Variants in ZBTB47 observed in about 807,000 individuals in gnomAD.
ZBTB47 encodes the protein zinc finger and BTB domain-containing protein 47.
In ZBTB47, 24 loss-of-function variants were observed where a neutral mutation model predicts 56.6. The observed-to-expected ratio is 0.42, with a 90% confidence interval of 0.31 to 0.60. The LOEUF is 0.60. Among genes scored for constraint, ZBTB47 ranks in the 20% least tolerant of loss-of-function variants. ZBTB47 has a pLI of 0.14. For missense variants in ZBTB47, 829 were observed against 1,032.6 expected (o/e 0.80, Z 2.70); for synonymous variants, 414 against 418.9 (o/e 0.99, Z 0.14).
Position 42,664,630 on chromosome 3 carries a change from C to T in ZBTB47, c.*32C>T, listed in dbSNP as rs923188749. 2 of 1,388,390 alleles carry T rather than the reference C, an allele frequency of 1.4e-6. No homozygotes were observed. The highest frequency in any genetic ancestry group is 1.8e-6 in the Non-Finnish European group (2 of 1,082,768). The allele number at this position is 1,388,390 out of a possible 1,614,324, so 86.0% of individuals were successfully genotyped here. A position where few individuals can be genotyped will look rare whatever the true frequency, so the allele number is the denominator to read the frequency against. ...AGCTGCACCCGTGCACCCGCTGGGG[C>T]CTGGAGTCAGGGCCCACTCCAGGAG... On this transcript the variant is annotated 3_prime_UTR_variant, in exon 6 of 6. Transcript: ENST00000232974.
chr3:42,666,501 A>G lies in ZBTB47; in HGVS notation c.*1903A>G, dbSNP rs1710791013. ...GTTGCTATTTTTAATCTCTAGTCCC[A>G]GTGCCTGGCAGCTCTTTGGAGCTGG... On this transcript the variant is annotated 3_prime_UTR_variant, in exon 6 of 6. Coordinates refer to ENST00000232974, the MANE Select transcript of ZBTB47 (RefSeq NM_145166.4). Among the ~76,000 whole-genome samples, 1 of 152,074 alleles carries G rather than the reference A, an allele frequency of 6.6e-6. No individual in the cohort carries two copies. The highest frequency in any genetic ancestry group is 2.1e-4 in the South Asian group (1 of 4,828).
Position 42,654,315 on chromosome 3 carries a change from C to T in ZBTB47, c.-82+432C>T, listed in dbSNP as rs1471978103. 2 of 120,518 alleles carry T rather than the reference C, an allele frequency of 1.7e-5. No homozygotes were observed. Among genetic ancestry groups the T allele is most frequent in the African/African-American group, 6.1e-5 (2 of 32,556 alleles). 7.5% of individuals were successfully genotyped at this position (120,518 alleles called of 1,614,324 possible). ...GACGGGCTGGGGGCTGGAGCTGGGG[C>T]TGGGGGTGGAGGGCAGCCTGCGGCA... On this transcript the variant is annotated intron_variant, in intron 1 of 5. Coordinates refer to ENST00000232974, the MANE Select transcript of ZBTB47 (RefSeq NM_145166.4). This position sits in a 1 kb window ranked among gnomAD's most constrained non-coding sequence, Gnocchi z 5.0.
intron 2 of ZBTB47, among the ~76,000 whole-genome samples, chr3:42,661,173 T>C (rs1238539977): frequency 1.3e-5 from 2 of 152,114 alleles, no homozygotes; most frequent in Non-Finnish European, 2.9e-5. Context: ...CTTACCTCTA[T>C]AGACAGACAA....
In ZBTB47 at chr3:42,666,977, T is replaced by A. The variant is rs928385342; in HGVS notation, c.*2379T>A. ...GCACTCTCTTCACTTGGGCCATTGT[T>A]GGTGGGGGCTCCTTTCCGGCCAGAC... On this transcript the variant is annotated 3_prime_UTR_variant, in exon 6 of 6. Coordinates refer to ENST00000232974, the MANE Select transcript of ZBTB47 (RefSeq NM_145166.4). Among the ~76,000 whole-genome samples the A allele has an allele frequency of 2.0e-5, 3 of 152,250 alleles. No individual in the cohort carries two copies. Among genetic ancestry groups the A allele is most frequent in the African/African-American group, 4.8e-5 (2 of 41,470 alleles).
chr3:42,658,916 C>T lies in ZBTB47; in HGVS notation c.561C>T (p.Pro187=). Residue 187 remains proline (P), a synonymous_variant, in exon 2 of 6, where the codon CCC becomes CCT. Coordinates refer to ENST00000232974, the MANE Select transcript of ZBTB47 (RefSeq NM_145166.4). Reference sequence around the variant, plus strand: ...CTGCCACCATTGGGCCAGCCCAGCCCTTCTTTAAGGAGGAGAAGGAGGGTG... The same window carrying T: ...CTGCCACCATTGGGCCAGCCCAGCCTTTCTTTAAGGAGGAGAAGGAGGGTG... The part of the protein sequence containing the change: ...TVPATIGPAQ[P]FFKEEKEGGV... 2 of 1,500,382 alleles carry T rather than the reference C, an allele frequency of 1.3e-6. No individual in the cohort carries two copies. Among genetic ancestry groups the T allele is most frequent in the Non-Finnish European group, 1.8e-6 (2 of 1,128,678 alleles). 92.9% of individuals were successfully genotyped at this position (1,500,382 alleles called of 1,614,324 possible).
At chr3:42,662,199 C>A (rs1449373764) in intron 3 of ZBTB47, among the ~76,000 whole-genome samples, 1 of 152,198 alleles carries the variant, frequency 6.6e-6, no homozygotes, top group Admixed American at 6.5e-5. Flanking sequence ...CCTGGCAGAG[C>A]CTCATGTCCC....
rs1710643248 is a variant in ZBTB47 at position 42,656,458 on chromosome 3, AG to A, written c.-81-1815del. 6.6e-6 allele frequency among the ~76,000 whole-genome samples: 1 copy of A among 152,096 alleles called. No individual in the cohort carries two copies. The stretch of plus-strand genomic sequence containing the variant: ...CAGAAGATGAATCAGAATGAGTCAG[AG>A]GAGGGAGATGGGAGGGGCTTGGTGC... On this transcript the variant is annotated intron_variant, in intron 1 of 5. Coordinates refer to ENST00000232974, the MANE Select transcript of ZBTB47 (RefSeq NM_145166.4). This position sits in a 1 kb window ranked among gnomAD's most constrained non-coding sequence, Gnocchi z 5.8.
Position 42,663,822 on chromosome 3 carries a change from A to G in ZBTB47, c.1763A>G (p.Lys588Arg). The change falls in exon 5 of 6, where the codon AAG (lysine) becomes AGG (arginine). Residue 588 changes from lysine to arginine, a missense_variant. Around this residue, in one of 6 missense-constraint regions of ZBTB47, gnomAD observed 187 missense variants for 253.1 expected, o/e 0.74. Coordinates refer to ENST00000232974, the MANE Select transcript of ZBTB47 (RefSeq NM_145166.4). This position sits in a 1 kb window ranked among gnomAD's most constrained non-coding sequence, Gnocchi z 5.1. ...AACTGCAATGAGCGCTTCCAGTACA[A>G]GTACCAGCTGCGGTCACACATGAGC... is the stretch of plus-strand genomic sequence containing the variant. ...CENCNERFQY[K>R]YQLRSHMSIH... 6.2e-7 allele frequency: 1 copy of G among 1,613,676 alleles called. No individual in the cohort carries two copies. The highest frequency in any genetic ancestry group is 8.5e-7 in the Non-Finnish European group (1 of 1,179,780).
At position 42,661,514 on chromosome 3, in the gene ZBTB47, G is replaced by A. The variant is rs1398199953; in HGVS notation, c.1503G>A (p.Lys501=). 6.2e-7 allele frequency: 1 copy of A among 1,613,906 alleles called. No homozygotes were observed. The highest frequency in any genetic ancestry group is 8.5e-7 in the Non-Finnish European group (1 of 1,179,894). Residue 501 remains lysine, a synonymous_variant, in exon 3 of 6, where the codon AAG becomes AAA. Transcript: ENST00000232974. ...TGACATGTGGCAAAGCTTTCAAGAA[G>A]CTTTGGTCCCTCCATGAGCATAACA... ...QCVTCGKAFK[K]LWSLHEHNKI...
rs1710688121 is a variant in ZBTB47, at chr3:42,659,562, AGGC to A, written c.1208_1210del (p.Arg403_Pro404delinsThr). ...AGAAGCTGGGCGGCGGGGTGGGAAG[AGGC>A]CAAAGCCACCCCCTGGAGTGGCCTC... On this transcript the variant is annotated inframe_deletion, in exon 2 of 6. Transcript: ENST00000232974. 9 of 1,586,484 alleles carry A rather than the reference AGGC, an allele frequency of 5.7e-6. No individual in the cohort carries two copies. The highest frequency in any genetic ancestry group is 7.7e-6 in the Non-Finnish European group (9 of 1,166,694).
Position 42,658,301 on chromosome 3 carries a change from C to A in ZBTB47, c.-55C>A. The A allele has an allele frequency of 6.7e-7, 1 of 1,485,144 alleles. No individual in the cohort carries two copies. Among genetic ancestry groups the A allele is most frequent in the East Asian group, 2.5e-5 (1 of 40,540 alleles). 92.0% of individuals were successfully genotyped at this position (1,485,144 alleles called of 1,614,324 possible). A position where few individuals can be genotyped will look rare whatever the true frequency, so the allele number is the denominator to read the frequency against. On this transcript the variant is annotated 5_prime_UTR_variant, in exon 2 of 6. Transcript: ENST00000232974. ...TGCTGGTTGAGAAGACAACTGACTC[C>A]CCGGCGGCTGAGTTCTCGCTGGTGG...
chr3:42,658,700 C>T lies in ZBTB47; in HGVS notation c.345C>T (p.Gly115=). Residue 115 remains glycine (G), a synonymous_variant, in exon 2 of 6, where the codon GGC becomes GGT. Coordinates refer to ENST00000232974, the MANE Select transcript of ZBTB47 (RefSeq NM_145166.4). ...CQELLDARSL[G]PPGPGTVALA... is the part of the protein sequence containing the mutation. ...AGCTGCTGGACGCCCGCTCTCTAGG[C>T]CCACCAGGTCCGGGCACTGTGGCCC... 5 of 1,535,874 alleles carry T rather than the reference C, an allele frequency of 3.3e-6. No individual in the cohort carries two copies. The highest frequency in any genetic ancestry group is 4.4e-6 in the Non-Finnish European group (5 of 1,146,726).
rs1710779659 is a variant in ZBTB47 at position 42,665,671 on chromosome 3, G to GC, written c.*1074dup. The GC allele has an allele frequency of 6.5e-6, 1 of 152,956 alleles. No homozygotes were observed. Among genetic ancestry groups the GC allele is most frequent in the Non-Finnish European group, 1.5e-5 (1 of 68,366 alleles). The allele number at this position is 152,956 out of a possible 1,614,324, so 9.5% of individuals were successfully genotyped here. A position where few individuals can be genotyped will look rare whatever the true frequency, so the allele number is the denominator to read the frequency against. On this transcript the variant is annotated 3_prime_UTR_variant, in exon 6 of 6. Transcript: ENST00000232974. ...TCCTGCCACAACCTGTCCCTGGCTG[G>GC]CTCCAGCGTCCTCGTCCCTCCTGGG...
intron 1 of ZBTB47, among the ~76,000 whole-genome samples, chr3:42,655,275 GTC>G (rs894660913): frequency 2.6e-5 from 4 of 152,178 alleles, no homozygotes; most frequent in Non-Finnish European, 5.9e-5. Context: ...CCCTTGCTCA[GTC>G]TGGGCCCCCC....
chr3:42,664,454 GC>G lies in ZBTB47; in HGVS notation c.2105del (p.Pro702GlnfsTer42). ...GDGVPAAPGL[P>X]PTQPQAHALP... ...ACGGCGTCCCCGCTGCCCCAGGCCT[GC>G]CCCCAACCCAGCCCCAGGCGCACGC... On this transcript the variant is annotated frameshift_variant, in exon 6 of 6. Transcript: ENST00000232974. LOFTEE classifies it low-confidence loss of function (END_TRUNC). 2 of 1,524,256 alleles carry G rather than the reference GC, an allele frequency of 1.3e-6. No individual in the cohort carries two copies. The highest frequency in any genetic ancestry group is 1.8e-6 in the Non-Finnish European group (2 of 1,139,026). The allele number at this position is 1,524,256 out of a possible 1,614,324, so 94.4% of individuals were successfully genotyped here.
rs189869973 is a variant in ZBTB47 at position 42,665,747 on chromosome 3, G to C, written c.*1149G>C. The C allele has an allele frequency of 1.3e-5, 2 of 152,862 alleles. 1 individual carries two copies. Among genetic ancestry groups the C allele is most frequent in the Admixed American group, 1.3e-4 (2 of 15,312 alleles). 9.5% of individuals were successfully genotyped at this position (152,862 alleles called of 1,614,324 possible). A position where few individuals can be genotyped will look rare whatever the true frequency, so the allele number is the denominator to read the frequency against. ...CATAGCACTGCCGGTAAAGGAGCCT[G>C]CATGTTCAGGCCCCTCGGGGGATTG... On this transcript the variant is annotated 3_prime_UTR_variant, in exon 6 of 6. Transcript: ENST00000232974.
In ZBTB47 at chr3:42,666,823, C is replaced by G. The variant is rs1369001199; in HGVS notation, c.*2225C>G. Among the ~76,000 whole-genome samples, 2 of 152,196 alleles carry G rather than the reference C, an allele frequency of 1.3e-5. No individual in the cohort carries two copies. Among genetic ancestry groups the G allele is most frequent in the East Asian group, 3.9e-4 (2 of 5,168 alleles). On this transcript the variant is annotated 3_prime_UTR_variant, in exon 6 of 6. Coordinates refer to ENST00000232974, the MANE Select transcript of ZBTB47 (RefSeq NM_145166.4). Reference sequence around the variant, plus strand: ...TCCCCTCTGGGATCAGGTGAGGGGTCCAGACAGCTGACCAGACAGCTTGAC... The same window carrying G: ...TCCCCTCTGGGATCAGGTGAGGGGTGCAGACAGCTGACCAGACAGCTTGAC...
Position 42,663,772 on chromosome 3 carries a change from C to T in ZBTB47, c.1738-25C>T. On this transcript the variant is annotated intron_variant, in intron 4 of 5. Transcript: ENST00000232974. This position sits in a 1 kb window ranked among gnomAD's most constrained non-coding sequence, Gnocchi z 5.1. ...GCTGCTCTTCTGCTCTGTGCCTGGG[C>T]CTCACCCCCAAACCCCACCCCCAGA... 1.2e-6 allele frequency: 2 copies of T among 1,612,084 alleles called. No individual in the cohort carries two copies. Among genetic ancestry groups the T allele is most frequent in the African/African-American group, 1.3e-5 (1 of 74,976 alleles).
Position 42,659,342 on chromosome 3 carries a change from G to GGAGGAGGAA in ZBTB47, c.998_1006dup (p.Glu333_Glu335dup). On this transcript the variant is annotated inframe_insertion, in exon 2 of 6. Transcript: ENST00000232974. Reference sequence around the variant, plus strand: ...GGCACAGTGAGCAGGAAGAGGAAGAGGAGGAGGAAGAGGAGGAAGGGCCTA... The same window carrying GGAGGAGGAA: ...GGCACAGTGAGCAGGAAGAGGAAGAGGAGGAGGAAGAGGAGGAAGAGGAGGAAGGGCCTA... 6.8e-7 allele frequency: 1 copy of GGAGGAGGAA among 1,464,294 alleles called. No individual in the cohort carries two copies. The highest frequency in any genetic ancestry group is 2.4e-5 in the East Asian group (1 of 40,904). 90.7% of individuals were successfully genotyped at this position (1,464,294 alleles called of 1,614,324 possible). A position where few individuals can be genotyped will look rare whatever the true frequency, so the allele number is the denominator to read the frequency against.
Sources: gnomAD v4.1 joint callset for allele counts (sites outside exome capture counted in the v4.1 genomes callset) on GRCh38, gnomAD v4.1.1 for gene constraint, gnomAD v4.1.1 regional missense constraint, Gnocchi (gnomAD v3.1) non-coding constraint, MANE v1.5 for transcripts, NCBI Gene and HGNC (gene_info 2026-07-23, HGNC 2026-07-21) for gene names.